Variants in XRCC2 observed in about 807,000 individuals in gnomAD.
XRCC2 encodes DNA repair protein XRCC2.
XRCC2 carries 24 observed loss-of-function variants against 27.3 expected under a neutral mutation model. That is an observed-to-expected ratio of 0.88 (90% CI 0.64 to 1.24). The LOEUF (loss-of-function observed/expected upper bound fraction) is 1.24. XRCC2 is among the 50% of genes most tolerant of loss of function. The pLI, the probability that XRCC2 is intolerant of heterozygous loss-of-function variation, is 0.00. For synonymous variants in XRCC2, 106 were observed against 115.4 expected, an observed-to-expected ratio of 0.92 and a Z score of 0.52; for missense variants, 321 against 325.8, an observed-to-expected ratio of 0.99 and a Z score of 0.11.
chr7:152,665,510 T>TTTA (rs869122513), intron 1 of XRCC2, among the ~76,000 whole-genome samples: 1 of 143,610 alleles, frequency 7.0e-6, no homozygotes, highest in East Asian at 2.1e-4. Context: ...TTTTTTTTTT[T>TTTA]AGACAGGGTC....
chr7:152,654,058 TG>T (rs935407120), intron 2 of XRCC2, among the ~76,000 whole-genome samples: 1 of 152,006 alleles, frequency 6.6e-6, no homozygotes, highest in Admixed American at 6.6e-5. Context: ...TAGCTGGGCA[TG>T]GTGGCACGTG....
intron 1 of XRCC2, chr7:152,664,136 T>G (rs1357581710): frequency 6.6e-6 from 1 of 152,242 alleles, no homozygotes; most frequent in East Asian, 1.9e-4. Flanking sequence ...CTGGAAGCTC[T>G]GTACTTGGAA....
intron 1 of XRCC2, among the ~76,000 whole-genome samples, chr7:152,664,620 T>G (rs1254525006): frequency 6.6e-6 from 1 of 152,186 alleles, no homozygotes; most frequent in Non-Finnish European, 1.5e-5. Flanking sequence ...CTCCTGGCTC[T>G]CAGCCCTTCA....
intron 2 of XRCC2, among the ~76,000 whole-genome samples, chr7:152,659,585 C>A (rs2098032183): frequency 6.6e-6 from 1 of 151,640 alleles, no homozygotes; most frequent in Non-Finnish European, 1.5e-5. Context: ...CAATGTAAAT[C>A]AAAAACCACA....
At chr7:152,672,852 C>T (rs1246231114) in intron 1 of XRCC2, among the ~76,000 whole-genome samples, 1 of 152,140 alleles carries the variant, frequency 6.6e-6, no homozygotes, top group Admixed American at 6.6e-5. Context: ...ACTGGACAGA[C>T]ACTTCCAATT....
intron 1 of XRCC2, among the ~76,000 whole-genome samples, chr7:152,668,986 T>C (rs1010904007): frequency 6.6e-6 from 1 of 152,182 alleles, no homozygotes; most frequent in Non-Finnish European, 1.5e-5. Context: ...TCTGTGATTC[T>C]CAAAGCCTGG....
intron 2 of XRCC2, among the ~76,000 whole-genome samples, chr7:152,657,748 C>G (rs911750994): frequency 6.6e-6 from 1 of 152,142 alleles, no homozygotes; most frequent in South Asian, 2.1e-4. Flanking sequence ...TCCAACTAGA[C>G]TGTTAGAAAT....
Position 152,649,314 on chromosome 7 carries a change from C to T in XRCC2, c.171G>A (p.Met57Ile), listed in dbSNP as rs2116988407. The change falls in exon 3 of 3, where the codon ATG (methionine) becomes ATA (isoleucine). Residue 57 changes from methionine to isoleucine, a missense_variant. Physicochemically the swap from Met to Ile is conservative, Grantham distance 10. Transcript: ENST00000359321. ...TACATCGTGCTGTTAGGTGATAAAGCATTTCTGTTTTTCCTGTTCCTTCTG... is the reference window on the plus strand; with the variant it reads ...TACATCGTGCTGTTAGGTGATAAAGTATTTCTGTTTTTCCTGTTCCTTCTG... Reference protein sequence around the residue: ...HGPEGTGKTEMLYHLTARCIL... With the variant: ...HGPEGTGKTEILYHLTARCIL... 6.2e-7 allele frequency: 1 copy of T among 1,610,570 alleles called. No homozygotes were observed. Among genetic ancestry groups the T allele is most frequent in the Non-Finnish European group, 8.5e-7 (1 of 1,179,092 alleles).
At chr7:152,669,563 C>T (rs765911120) in intron 1 of XRCC2, among the ~76,000 whole-genome samples, 18 of 151,840 alleles carry the variant, frequency 1.2e-4, no homozygotes, top group African/African-American at 1.7e-4. Context: ...CCACCAAACC[C>T]GGCTATTTTT....
At chr7:152,649,970 C>A (rs2098027833) in intron 2 of XRCC2, among the ~76,000 whole-genome samples, 1 of 152,164 alleles carries the variant, frequency 6.6e-6, no homozygotes. Context: ...GCGTGGAAGA[C>A]AGAAGGTACC....
intron 1 of XRCC2, among the ~76,000 whole-genome samples, chr7:152,661,759 T>C (rs546849598): frequency 3.3e-4 from 50 of 152,286 alleles, no homozygotes; most frequent in Middle Eastern, 3.4e-3. Context: ...CTTTGGCTTG[T>C]AGACAACAGC....
At chr7:152,668,065 A>G (rs2098036715) in intron 1 of XRCC2, among the ~76,000 whole-genome samples, 1 of 152,126 alleles carries the variant, frequency 6.6e-6, no homozygotes, top group South Asian at 2.1e-4. Flanking sequence ...CATAGGCAGA[A>G]AATACACTGG....
intron 1 of XRCC2, 105 bp downstream of exon 1, chr7:152,675,936 G>A (rs1451534995): frequency 6.6e-7 from 1 of 1,508,486 alleles, no homozygotes; most frequent in Non-Finnish European, 9.1e-7. Context: ...AGCCCGGCCA[G>A]GCCGCGCCGC....
chr7:152,654,104 G>A (rs1197825951), intron 2 of XRCC2, among the ~76,000 whole-genome samples: 5 of 147,890 alleles, frequency 3.4e-5, no homozygotes, highest in African/African-American at 2.5e-5. Context: ...GCTGAGGCAG[G>A]AGAACTGCTT....
chr7:152,659,494 A>C (rs1180827994), intron 2 of XRCC2, among the ~76,000 whole-genome samples: 1 of 152,170 alleles, frequency 6.6e-6, no homozygotes, highest in Non-Finnish European at 1.5e-5. Flanking sequence ...TTAAATGAGC[A>C]AAGGATCTGA....
chr7:152,660,772 C>T lies in XRCC2; in HGVS notation c.50G>A (p.Arg17Gln), dbSNP rs759291002. The change falls in exon 2 of 3, where the codon CGA (arginine) becomes CAA (glutamine). Residue 17 changes from arginine (R) to glutamine (Q), a missense_variant. Arg to Gln is a conservative substitution (Grantham distance 43, BLOSUM62 1). Transcript: ENST00000359321. ...TTTCAAGGAACTTCTACCTTCAAGT[C>T]GGGCAAGGAGCTTATAAAAGAAGAG... ...RAESGTELLA[R>Q]LEGRSSLKEI... The T allele has an allele frequency of 1.4e-5, 23 of 1,612,338 alleles. No homozygotes were observed. The highest frequency in any genetic ancestry group is 1.0e-4 in the Admixed American group (6 of 59,852).
chr7:152,676,107 C>T lies in XRCC2; in HGVS notation c.-28G>A, dbSNP rs1382489090. The T allele has an allele frequency of 6.2e-7, 1 of 1,613,622 alleles. No homozygotes were observed. Among genetic ancestry groups the T allele is most frequent in the Non-Finnish European group, 8.5e-7 (1 of 1,179,762 alleles). ...CCCCGAAGGCTCGGCGCAGGAGAGA[C>T]TCAACTTTCCCGCCACCAACGCCAT... is the stretch of plus-strand genomic sequence containing the variant. On this transcript the variant is annotated 5_prime_UTR_variant, in exon 1 of 3. Coordinates refer to ENST00000359321, the MANE Select transcript of XRCC2 (RefSeq NM_005431.2).
Position 152,648,937 on chromosome 7 carries a change from A to G in XRCC2, c.548T>C (p.Leu183Pro). Residue 183 changes from leucine (L) to proline (P), a missense_variant, in exon 3 of 3, where the codon CTT becomes CCT. Transcript: ENST00000359321. ...LRKCSQCLEKLVNDYRLVLFA... is the reference protein window; with the variant it reads ...LRKCSQCLEKPVNDYRLVLFA... Reference sequence around the variant, plus strand: ...AAGAACCAGGCGATAGTCATTTACAAGCTTCTCTAAGCACTGAGAACATTT... The same window carrying G: ...AAGAACCAGGCGATAGTCATTTACAGGCTTCTCTAAGCACTGAGAACATTT... 2 of 1,614,222 alleles carry G rather than the reference A, an allele frequency of 1.2e-6. No individual in the cohort carries two copies. Among genetic ancestry groups the G allele is most frequent in the East Asian group, 2.2e-5 (1 of 44,884 alleles).
rs1339516564 is a variant in XRCC2, at chr7:152,676,053, C to T, written c.27G>A (p.Glu9=). MCSAFHRA[E]SGTELLARLE... is the part of the protein sequence containing the mutation. Reference sequence around the variant, plus strand: ...CGGCGGCTCTCACCTCGGTCCCAGACTCAGCCCTATGGAAGGCACTACACA... The same window carrying T: ...CGGCGGCTCTCACCTCGGTCCCAGATTCAGCCCTATGGAAGGCACTACACA... The change falls in exon 1 of 3, where the codon GAG becomes GAA. Residue 9 remains glutamate, a synonymous_variant. Coordinates refer to ENST00000359321, the MANE Select transcript of XRCC2 (RefSeq NM_005431.2). 1.2e-6 allele frequency: 2 copies of T among 1,613,868 alleles called. No individual in the cohort carries two copies. The highest frequency in any genetic ancestry group is 2.2e-5 in the East Asian group (1 of 44,860).
Sources: allele counts gnomAD v4.1 joint callset (sites outside exome capture counted in the v4.1 genomes callset), GRCh38; gene constraint gnomAD v4.1.1; transcripts MANE v1.5; gene names NCBI Gene and HGNC (gene_info 2026-07-23, HGNC 2026-07-21).